SCML4: variants seen among roughly 807,000 people sequenced by gnomAD.
SCML4 encodes sex comb on midleg-like protein 4.
In SCML4, 34 loss-of-function variants were observed where a neutral mutation model predicts 41.1. The observed-to-expected ratio is 0.83, with a 90% CI of 0.63 to 1.10. The LOEUF (loss-of-function observed/expected upper bound fraction) is 1.10. SCML4 is among the 50% of genes least tolerant of loss of function. The pLI, the probability that SCML4 is intolerant of heterozygous loss-of-function variation, is 0.00. For synonymous variants in SCML4, 214 were observed against 220.9 expected (o/e 0.97, Z 0.28); for missense variants, 522 against 534.1 (o/e 0.98, Z 0.22).
intron 5 of SCML4, among the ~76,000 whole-genome samples, chr6:107,724,925 T>G (rs1739865): frequency 0.21 from 32,354 of 152,044 alleles, 3,931 homozygotes; most frequent in African/African-American, 0.31. Flanking sequence ...TCATGTTAAA[T>G]GAAATAAGCC....
In SCML4 at chr6:107,702,651, T is replaced by G. The variant is rs1773276923; in HGVS notation, c.*2549A>C. Among the ~76,000 whole-genome samples, 1 of 152,148 alleles carries G rather than the reference T, an allele frequency of 6.6e-6. No individual in the cohort carries two copies. Among genetic ancestry groups the G allele is most frequent in the African/African-American group, 2.4e-5 (1 of 41,406 alleles). ...CTGCCCATGGCTGTTTTGAGGGAAA[T>G]GTATCTAACTCTAAACCAGCAGTGA... On this transcript the variant is annotated 3_prime_UTR_variant, in exon 8 of 8. Transcript: ENST00000369020.
At chr6:107,730,293 G>C (rs1776411668) in intron 5 of SCML4, among the ~76,000 whole-genome samples, 1 of 152,318 alleles carries the variant, frequency 6.6e-6, no homozygotes, top group African/African-American at 2.4e-5. Flanking sequence ...CCTGCACACA[G>C]AGTCCCGGCA....
At chr6:107,839,364 AGAAG>A in the SCML4 span, among the ~76,000 whole-genome samples, 24,398 of 59,570 alleles carry the variant, frequency 0.41, 2,904 homozygotes, top group East Asian at 0.46. Context: ...AAAGAAAGAA[AGAAG>A]GAAAGAAAGA....
At chr6:107,763,137 C>G (rs952497468) in intron 2 of SCML4, among the ~76,000 whole-genome samples, 1 of 151,992 alleles carries the variant, frequency 6.6e-6, no homozygotes, top group Non-Finnish European at 1.5e-5. Flanking sequence ...GCTGCCTAGC[C>G]TCCCAAAGTG....
the SCML4 span, among the ~76,000 whole-genome samples, chr6:107,831,076 T>C: frequency 6.6e-6 from 1 of 152,146 alleles, no homozygotes; most frequent in African/African-American, 2.4e-5. Context: ...AAGTAATGAA[T>C]ACCTGCAATT....
chr6:107,738,316 G>GAATTGTAAATGA (rs1777267286), intron 5 of SCML4, among the ~76,000 whole-genome samples: 1 of 152,062 alleles, frequency 6.6e-6, no homozygotes, highest in African/African-American at 2.4e-5. Context: ...CAGCAGGGAA[G>GAATTGTAAATGA]CCTGAAGGCT....
intron 2 of SCML4, among the ~76,000 whole-genome samples, chr6:107,767,586 T>C (rs565840229): frequency 6.6e-6 from 1 of 152,220 alleles, no homozygotes; most frequent in African/African-American, 2.4e-5. Flanking sequence ...TTTACCCATA[T>C]TAATTAGAAA....
At chr6:107,799,070 A>T (rs1782914701) in intron 1 of SCML4, among the ~76,000 whole-genome samples, 1 of 152,154 alleles carries the variant, frequency 6.6e-6, no homozygotes, top group South Asian at 2.1e-4. Flanking sequence ...ATAAATACCT[A>T]TTAGTTAAGT....
At chr6:107,797,601 T>C (rs890890956) in intron 1 of SCML4, among the ~76,000 whole-genome samples, 1 of 152,040 alleles carries the variant, frequency 6.6e-6, no homozygotes, top group Admixed American at 6.5e-5. Context: ...TTGCAATCAT[T>C]TTGCCTTTTA....
At chr6:107,738,227 G>A (rs1777260212) in intron 5 of SCML4, among the ~76,000 whole-genome samples, 2 of 152,200 alleles carry the variant, frequency 1.3e-5, no homozygotes, top group South Asian at 4.1e-4. Flanking sequence ...ACCTTCAGAT[G>A]TCAGCTAATA....
chr6:107,725,390 G>A (rs1216173614), intron 5 of SCML4, among the ~76,000 whole-genome samples: 2 of 152,094 alleles, frequency 1.3e-5, no homozygotes, highest in African/African-American at 4.8e-5. Context: ...GGGAAAAAAA[G>A]ACAGTGTGGT....
intron 5 of SCML4, among the ~76,000 whole-genome samples, chr6:107,724,645 A>G (rs1775772167): frequency 6.6e-6 from 1 of 152,116 alleles, no homozygotes; most frequent in African/African-American, 2.4e-5. Context: ...AATAAATGGA[A>G]AAAAAAATCT....
chr6:107,818,614 C>T (rs988243300), intron 1 of SCML4, among the ~76,000 whole-genome samples: 2 of 152,322 alleles, frequency 1.3e-5, no homozygotes, highest in South Asian at 2.1e-4. Flanking sequence ...ATGATTCTTA[C>T]AGTCCTATAA....
At chr6:107,761,312 C>T (rs767640256) in intron 2 of SCML4, among the ~76,000 whole-genome samples, 42 of 152,050 alleles carry the variant, frequency 2.8e-4, no homozygotes, top group Non-Finnish European at 4.9e-4. Context: ...AATTATAAAA[C>T]GCCAAAGACA....
At chr6:107,725,712 A>G (rs972113733) in intron 5 of SCML4, among the ~76,000 whole-genome samples, 3 of 152,234 alleles carry the variant, frequency 2.0e-5, no homozygotes, top group Non-Finnish European at 4.4e-5. Flanking sequence ...ATTTGGCAAA[A>G]TATTCTTAGA....
rs1054677193 is a variant in SCML4 at position 107,742,947 on chromosome 6, A to C, written c.682+2002T>G. The stretch of plus-strand genomic sequence containing the variant: ...ACACTAGTATGAAGCCCAAAAGACA[A>C]AGCTATTAAAAGCAATAATAGCTAG... On this transcript the variant is annotated intron_variant, in intron 5 of 7. Coordinates refer to ENST00000369020, the MANE Select transcript of SCML4 (RefSeq NM_198081.5). 2.0e-5 allele frequency among the ~76,000 whole-genome samples: 3 copies of C among 152,210 alleles called. No individual in the cohort carries two copies. In the South Asian group the frequency reaches 6.2e-4, roughly 32 times the overall value.
At chr6:107,714,609 C>G (rs1200862347) in intron 6 of SCML4, among the ~76,000 whole-genome samples, 2 of 152,168 alleles carry the variant, frequency 1.3e-5, no homozygotes, top group Non-Finnish European at 2.9e-5. Flanking sequence ...CAGCTCTGTC[C>G]TCAGATGTGA....
chr6:107,732,178 T>A (rs982736215), intron 5 of SCML4: 1 of 152,270 alleles, frequency 6.6e-6, no homozygotes, highest in Non-Finnish European at 1.5e-5. Flanking sequence ...TTGCAGATTT[T>A]CTTTTCTCAA....
chr6:107,720,978 G>A lies in SCML4; in HGVS notation c.698C>T (p.Thr233Ile), dbSNP rs755727112. The stretch of plus-strand genomic sequence containing the variant: ...CACAGGGTTCACCAGGTACTCTTCG[G>A]TGGTGACTGTCTTGACTAAGCAATA... ...GRMESVKTVT[T>I]EEYLVNPVGM... Residue 233 changes from threonine (T) to isoleucine (I), a missense_variant, in exon 6 of 8, where the codon ACC becomes ATC. By Grantham distance (89) the Thr-to-Ile change is moderately conservative. Coordinates refer to ENST00000369020, the MANE Select transcript of SCML4 (RefSeq NM_198081.5). 4 of 1,610,502 alleles carry A rather than the reference G, an allele frequency of 2.5e-6. No individual in the cohort carries two copies. Among genetic ancestry groups the A allele is most frequent in the Admixed American group, 1.7e-5 (1 of 59,488 alleles).
Sources: allele counts gnomAD v4.1 joint callset (sites outside exome capture counted in the v4.1 genomes callset), GRCh38; gene constraint gnomAD v4.1.1; transcripts MANE v1.5; gene names NCBI Gene and HGNC (gene_info 2026-07-23, HGNC 2026-07-21).